The following OTC variants were observed in gnomAD, a reference collection of about 807,000 sequenced individuals.
OTC encodes the protein ornithine transcarbamylase.
In OTC, 3 loss-of-function variants were observed where a neutral mutation model predicts 30.3. The observed-to-expected ratio is 0.10, with a 90% CI of 0.05 to 0.26. The LOEUF (loss-of-function observed/expected upper bound fraction) is 0.26. OTC is among the 10% of genes least tolerant of loss of function. The pLI is 1.00. For missense variants in OTC, 194 were observed against 260.3 expected, an observed-to-expected ratio of 0.75 and a Z score of 1.75; for synonymous variants, 111 against 99.7, an observed-to-expected ratio of 1.11 and a Z score of -0.67.
chrX:38,389,835 A>G (rs2068421868), intron 4 of OTC, among the ~76,000 whole-genome samples: 1 of 79,769 alleles, frequency 1.3e-5, no homozygotes, highest in Non-Finnish European at 3.0e-5. Context: ...CAAAATGGAG[A>G]TACTTATACT....
Position 38,421,087 on chromosome X carries a change from G to A in OTC, c.*5G>A. 1 of 1,167,325 alleles carries A rather than the reference G, an allele frequency of 8.6e-7. No individual in the cohort carries two copies. Among genetic ancestry groups the A allele is most frequent in the Non-Finnish European group, 1.2e-6 (1 of 855,316 alleles). ...CTCCAGAAGCCTAAATTTTGATGTT[G>A]TGTTACTTGTCAAGAAAGAAGCAAT... On this transcript the variant is annotated 3_prime_UTR_variant, in exon 10 of 10. Coordinates refer to ENST00000039007, the MANE Select transcript of OTC (RefSeq NM_000531.6).
chrX:38,364,889 G>A (rs5917579), intron 1 of OTC, among the ~76,000 whole-genome samples: 26,039 of 110,820 alleles, frequency 0.23, 2,484 homozygotes, highest in Middle Eastern at 0.31. Context: ...GACCTCTGAA[G>A]GGCTCAGTCT....
chrX:38,364,570 T>C (rs987096945), intron 1 of OTC, among the ~76,000 whole-genome samples: 5 of 111,156 alleles, frequency 4.5e-5, no homozygotes, highest in African/African-American at 1.6e-4. Context: ...GGTGGGCAGA[T>C]CACTTGTGCT....
In OTC at chrX:38,373,879, A is replaced by G. The variant is rs1406929362; in HGVS notation, c.298+4002A>G. 2.7e-5 allele frequency: 3 copies of G among 112,550 alleles called. No homozygotes were observed. The Admixed American group carries it at 2.8e-4, about 11-fold the overall frequency. The allele number at this position is 112,550 out of a possible 1,213,427, so 9.3% of individuals were successfully genotyped here. A position where few individuals can be genotyped will look rare whatever the true frequency, so the allele number is the denominator to read the frequency against. ...CAAACAGAAATTAAGAAATTAGCAG[A>G]AGAGGCCGGGCACGGTGGCTCATGC... is the stretch of plus-strand genomic sequence containing the variant. On this transcript the variant is annotated intron_variant, in intron 3 of 9. Transcript: ENST00000039007.
At chrX:38,366,417 A>T (rs2068296251) in intron 1 of OTC, among the ~76,000 whole-genome samples, 1 of 111,651 alleles carries the variant, frequency 9.0e-6, no homozygotes, top group Admixed American at 9.6e-5. Context: ...TTGTATTTTC[A>T]TCCAGGGATA....
At chrX:38,385,832 C>T (rs57810104) in intron 4 of OTC, among the ~76,000 whole-genome samples, 5,828 of 111,888 alleles carry the variant, frequency 0.052, 372 homozygotes, top group African/African-American at 0.18. Context: ...TGTTGGCTCA[C>T]GCCTGTAATC....
chrX:38,379,334 C>T (rs900266546), intron 3 of OTC, among the ~76,000 whole-genome samples: 2 of 111,376 alleles, frequency 1.8e-5, no homozygotes, highest in Admixed American at 9.5e-5. Flanking sequence ...AACAATCTTG[C>T]GCAATTTTTT....
chrX:38,421,352 A>G lies in OTC; in HGVS notation c.*270A>G, dbSNP rs2068594808. The G allele has an allele frequency of 5.0e-5, 16 of 318,942 alleles. No homozygotes were observed. In the South Asian group the frequency reaches 5.9e-4, roughly 12 times the overall value. 26.3% of individuals were successfully genotyped at this position (318,942 alleles called of 1,213,427 possible). A position where few individuals can be genotyped will look rare whatever the true frequency, so the allele number is the denominator to read the frequency against. The stretch of plus-strand genomic sequence containing the variant: ...ATCATATTAATTATCATATACATTT[A>G]CTTCAACATAAAATACTGTGTTCAT... On this transcript the variant is annotated 3_prime_UTR_variant, in exon 10 of 10. Coordinates refer to ENST00000039007, the MANE Select transcript of OTC (RefSeq NM_000531.6).
chrX:38,374,954 A>G (rs995146873), intron 3 of OTC, among the ~76,000 whole-genome samples: 16 of 112,503 alleles, frequency 1.4e-4, no homozygotes, highest in African/African-American at 5.2e-4. Flanking sequence ...TTCATAGATA[A>G]TAGAAATTTC....
At chrX:38,418,581 T>G (rs1218334955) in intron 9 of OTC, among the ~76,000 whole-genome samples, 2 of 112,315 alleles carry the variant, frequency 1.8e-5, no homozygotes, top group African/African-American at 6.5e-5. Flanking sequence ...GGTTTGGCTG[T>G]GTCCCCACCC....
In OTC at chrX:38,408,897, A is replaced by G; in HGVS notation, c.739A>G (p.Thr247Ala). The change falls in exon 8 of 10, where the codon ACA becomes GCA. Residue 247 changes from threonine (T) to alanine (A), a missense_variant. Physicochemically the swap from Thr to Ala is moderately conservative, Grantham distance 58. Coordinates refer to ENST00000039007, the MANE Select transcript of OTC (RefSeq NM_000531.6). ...AKENGTKLLL[T>A]NDPLEAAHGG... is the part of the protein sequence containing the mutation. ...CTAGAATGGTACCAAGCTGTTGCTG[A>G]CAAATGATCCATTGGAAGCAGCGCA... is the stretch of plus-strand genomic sequence containing the variant. 3 of 1,211,460 alleles carry G rather than the reference A, an allele frequency of 2.5e-6. No individual in the cohort carries two copies. Among genetic ancestry groups the G allele is most frequent in the Non-Finnish European group, 3.4e-6 (3 of 895,192 alleles).
At chrX:38,403,518 A>T (rs771700469) in intron 5 of OTC, 100 bp from the exon 6 acceptor site, 3 of 909,748 alleles carry the variant, frequency 3.3e-6, no homozygotes, top group Non-Finnish European at 4.8e-6. Context: ...CTAACAAGGC[A>T]CTAATACTGA....
At chrX:38,339,342 A>C in the OTC span, among the ~76,000 whole-genome samples, 2 of 111,218 alleles carry the variant, frequency 1.8e-5, no homozygotes, top group Non-Finnish European at 3.8e-5. Context: ...CTATGCTTAC[A>C]TGAGGAGTTT....
chrX:38,361,370 A>G (rs2068270961), intron 1 of OTC, among the ~76,000 whole-genome samples: 1 of 112,092 alleles, frequency 8.9e-6, no homozygotes, highest in Non-Finnish European at 1.9e-5. Context: ...TTATGGAAGA[A>G]ACAGCTGACT....
intron 4 of OTC, among the ~76,000 whole-genome samples, chrX:38,382,291 A>G (rs1195054454): frequency 8.9e-6 from 1 of 112,423 alleles, no homozygotes; most frequent in African/African-American, 3.2e-5. Flanking sequence ...CTGACTCCTC[A>G]TGCAATGCTC....
At chrX:38,390,133 G>T (rs41449246) in intron 4 of OTC, among the ~76,000 whole-genome samples, 1 of 111,838 alleles carries the variant, frequency 8.9e-6, no homozygotes, top group Non-Finnish European at 1.9e-5. Flanking sequence ...AAACAACCTG[G>T]CCATTATAGA....
intron 3 of OTC, among the ~76,000 whole-genome samples, chrX:38,378,805 C>T (rs1463144991): frequency 1.8e-5 from 2 of 112,116 alleles, no homozygotes; most frequent in African/African-American, 6.5e-5. Context: ...AAGTTTATTA[C>T]TCACATCATG....
In OTC at chrX:38,396,690, T is replaced by G. The variant is rs770314326; in HGVS notation, c.387-4585T>G. On this transcript the variant is annotated intron_variant, in intron 4 of 9. Coordinates refer to ENST00000039007, the MANE Select transcript of OTC (RefSeq NM_000531.6). ...TGGTAGACTGAGGCCGGATAATTGC[T>G]TGAACCTGGGAGGGAGAGGTTGCAG... Among the ~76,000 whole-genome samples the G allele has an allele frequency of 2.7e-5, 3 of 111,088 alleles. No individual in the cohort carries two copies. The East Asian group carries it at 8.5e-4, about 31-fold the overall frequency.
the OTC span, among the ~76,000 whole-genome samples, chrX:38,333,112 G>A: frequency 9.2e-6 from 1 of 108,232 alleles, no homozygotes; most frequent in Non-Finnish European, 1.9e-5. Flanking sequence ...CTGCTTGGGA[G>A]GCTGAGGCAG....
Sources: allele counts gnomAD v4.1 joint callset (sites outside exome capture counted in the v4.1 genomes callset), GRCh38; gene constraint gnomAD v4.1.1; transcripts MANE v1.5; gene names NCBI Gene and HGNC (gene_info 2026-07-23, HGNC 2026-07-21).